MACROD2: variants seen among roughly 807,000 people sequenced by gnomAD.
MACROD2 encodes ADP-ribose glycohydrolase MACROD2.
MACROD2 carries 36 observed loss-of-function variants against 70.4 expected under a neutral mutation model. The observed-to-expected ratio is 0.51, with a 90% CI of 0.39 to 0.68. The LOEUF (loss-of-function observed/expected upper bound fraction) is 0.68, where lower values mean the gene tolerates loss of function less well. MACROD2 is among the 30% of genes least tolerant of loss of function. The pLI is 0.00. For synonymous variants in MACROD2, 172 were observed against 178.8 expected (o/e 0.96, Z 0.30); for missense variants, 496 against 538.4 (o/e 0.92, Z 0.78).
chr20:15,083,044 C>T (rs746800115), intron 5 of MACROD2, among the ~76,000 whole-genome samples: 9 of 152,144 alleles, frequency 5.9e-5, no homozygotes, highest in Admixed American at 5.9e-4. Context: ...ACAGAATCCC[C>T]AGTGTAAGGG....
intron 5 of MACROD2, among the ~76,000 whole-genome samples, chr20:15,136,643 T>C (rs2123292671): frequency 6.6e-6 from 1 of 151,876 alleles, no homozygotes; most frequent in East Asian, 1.9e-4. Context: ...ATTCAGGACA[T>C]AGGCATGGGC....
intron 5 of MACROD2, among the ~76,000 whole-genome samples, chr20:14,863,954 C>A (rs1941493711): frequency 6.6e-6 from 1 of 152,040 alleles, no homozygotes. Context: ...ATTCTTCCCT[C>A]AAATCTGTAT....
intron 8 of MACROD2, among the ~76,000 whole-genome samples, chr20:15,820,278 C>T (rs1183647419): frequency 6.6e-6 from 1 of 152,120 alleles, no homozygotes; most frequent in African/African-American, 2.4e-5. Context: ...GCAGCCTCAA[C>T]CTCCCAGGCT....
intron 4 of MACROD2, among the ~76,000 whole-genome samples, chr20:14,543,934 C>T (rs1253284503): frequency 6.6e-6 from 1 of 152,172 alleles, no homozygotes; most frequent in Non-Finnish European, 1.5e-5. Flanking sequence ...CATATCATTA[C>T]AATTTAGTAG....
intron 4 of MACROD2, among the ~76,000 whole-genome samples, chr20:14,579,437 G>A (rs945479765): frequency 4.6e-5 from 7 of 152,052 alleles, no homozygotes; most frequent in Non-Finnish European, 4.4e-5. Context: ...CACCGCGCCC[G>A]GCCAACTGTA....
chr20:15,494,006 G>T (rs187979038), intron 7 of MACROD2, among the ~76,000 whole-genome samples: 1 of 152,210 alleles, frequency 6.6e-6, no homozygotes, highest in East Asian at 1.9e-4. Flanking sequence ...TGACAGAATT[G>T]GTCCTTTCTT....
chr20:15,062,762 A>G (rs1187171323), intron 5 of MACROD2, among the ~76,000 whole-genome samples: 1 of 152,188 alleles, frequency 6.6e-6, no homozygotes, highest in African/African-American at 2.4e-5. Flanking sequence ...CAGAGCTTTG[A>G]TTCTAGTGAT....
intron 3 of MACROD2, among the ~76,000 whole-genome samples, chr20:14,204,979 A>C (rs1435836683): frequency 6.6e-6 from 1 of 152,158 alleles, no homozygotes; most frequent in Non-Finnish European, 1.5e-5. Context: ...AAGAAGTAGA[A>C]ATGATAGAGA....
At chr20:15,656,057 A>G (rs2049725980) in intron 8 of MACROD2, among the ~76,000 whole-genome samples, 2 of 152,090 alleles carry the variant, frequency 1.3e-5, no homozygotes, top group African/African-American at 4.8e-5. Context: ...TCCGTGGTGG[A>G]TTTAACTCCC....
intron 2 of MACROD2, among the ~76,000 whole-genome samples, chr20:14,060,660 G>A (rs1023895058): frequency 2.6e-5 from 4 of 152,046 alleles, no homozygotes; most frequent in Admixed American, 6.6e-5. Context: ...GAATATTTTT[G>A]TTAACAGTTT....
Position 15,635,755 on chromosome 20 carries a change from A to T in MACROD2, c.645+135908A>T, listed in dbSNP as rs1452076326. ...AAAATAGAAGTTGAAATTATTTTTT[A>T]AAACCCCACATTTTAGAAATCCCCA... On this transcript the variant is annotated intron_variant, in intron 8 of 17. Transcript: ENST00000684519. 5.3e-5 allele frequency among the ~76,000 whole-genome samples: 8 copies of T among 152,176 alleles called. No individual in the cohort carries two copies. The East Asian group carries it at 1.5e-3, about 29-fold the overall frequency.
intron 5 of MACROD2, among the ~76,000 whole-genome samples, chr20:15,126,874 A>G (rs2076070982): frequency 6.6e-6 from 1 of 152,156 alleles, no homozygotes; most frequent in Non-Finnish European, 1.5e-5. Context: ...AGTATCTGCT[A>G]CAGTTGTTTA....
chr20:15,256,830 T>C (rs2077203695), intron 6 of MACROD2, among the ~76,000 whole-genome samples: 1 of 152,050 alleles, frequency 6.6e-6, no homozygotes, highest in South Asian at 2.1e-4. Flanking sequence ...CCTGTTTTGG[T>C]GAGTGCTATC....
intron 3 of MACROD2, among the ~76,000 whole-genome samples, chr20:14,119,168 T>A (rs1361975379): frequency 7.4e-6 from 1 of 134,232 alleles, no homozygotes; most frequent in Admixed American, 7.7e-5. Context: ...GATTTTTTTT[T>A]TTTTTTTTTT....
In MACROD2 at chr20:15,772,098, AAAAATATATAT is replaced by A. The variant is rs1286332001; in HGVS notation, c.646-90645_646-90635del. Among the ~76,000 whole-genome samples the A allele has an allele frequency of 1.3e-3, 125 of 95,910 alleles. 2 individuals are homozygous for A. Among genetic ancestry groups the A allele is most frequent in the African/African-American group, 5.9e-3 (120 of 20,378 alleles). The allele number at this position is 95,910 out of a possible 152,430, so 62.9% of individuals were successfully genotyped here. A position where few individuals can be genotyped will look rare whatever the true frequency, so the allele number is the denominator to read the frequency against. On this transcript the variant is annotated intron_variant, in intron 8 of 17. Coordinates refer to ENST00000684519, the MANE Select transcript of MACROD2 (RefSeq NM_001351661.2). The stretch of plus-strand genomic sequence containing the variant: ...AGACTCGGTCTCAAAAAAAAAAAAA[AAAAATATATAT>A]ATATATATATATATATATATTTCTT...
intron 6 of MACROD2, among the ~76,000 whole-genome samples, chr20:15,415,340 G>C (rs547494777): frequency 6.6e-6 from 1 of 152,230 alleles, no homozygotes; most frequent in Admixed American, 6.5e-5. Flanking sequence ...CTAATCATTG[G>C]CTTCTTACTT....
rs143427927 is a variant in MACROD2 at position 14,270,784 on chromosome 20, G to A, written c.271+185056G>A. Among the ~76,000 whole-genome samples the A allele has an allele frequency of 8.5e-3, 1,291 of 152,178 alleles. 6 individuals carry two copies. Among genetic ancestry groups the A allele is most frequent in the South Asian group, 0.014 (68 of 4,822 alleles). ...TCCCAGCGTGAGTGACGCAGAAGAC[G>A]GGTGATTTCTGCATTTCTATCTGAG... On this transcript the variant is annotated intron_variant, in intron 3 of 17. Transcript: ENST00000684519.
At chr20:14,914,918 A>G (rs2074072579) in intron 5 of MACROD2, among the ~76,000 whole-genome samples, 1 of 152,212 alleles carries the variant, frequency 6.6e-6, no homozygotes. Flanking sequence ...TATACATGCG[A>G]CAGAGAAATG....
chr20:14,397,907 A>G (rs1389346410), intron 3 of MACROD2, among the ~76,000 whole-genome samples: 1 of 152,098 alleles, frequency 6.6e-6, no homozygotes, highest in African/African-American at 2.4e-5. Flanking sequence ...CCCAGCCTCT[A>G]GTAACCATAA....
Sources: gnomAD v4.1 joint callset for allele counts (sites outside exome capture counted in the v4.1 genomes callset) on GRCh38, gnomAD v4.1.1 for gene constraint, MANE v1.5 for transcripts, NCBI Gene and HGNC (gene_info 2026-07-23, HGNC 2026-07-21) for gene names.